The following ARID1B variants were observed in gnomAD, a reference collection of about 807,000 sequenced individuals.
The protein encoded by ARID1B is AT-rich interactive domain-containing protein 1B.
In ARID1B, 30 loss-of-function variants were observed where a neutral mutation model predicts 212.3. The observed-to-expected ratio is 0.14, with a 90% CI of 0.11 to 0.19. The LOEUF (loss-of-function observed/expected upper bound fraction) is 0.19. Ranked by LOEUF, ARID1B falls within the 10% of genes least tolerant of loss-of-function variation. The pLI is 1.00. For missense variants in ARID1B, 2,891 were observed against 3,204.0 expected (o/e 0.90, Z 2.36); for synonymous variants, 1,402 against 1,301.7 (o/e 1.08, Z -1.66).
intron 4 of ARID1B, among the ~76,000 whole-genome samples, chr6:156,979,563 TG>T (rs1173600836): frequency 7.4e-6 from 1 of 134,364 alleles, no homozygotes; most frequent in African/African-American, 3.3e-5. Flanking sequence ...CAGCTGTTGC[TG>T]TTTTTTTTTT....
intron 2 of ARID1B, among the ~76,000 whole-genome samples, chr6:156,831,755 C>T (rs186094491): frequency 8.3e-4 from 126 of 152,266 alleles, no homozygotes; most frequent in Admixed American, 1.0e-3. Flanking sequence ...GTAGGTTGCC[C>T]ATCAAGTATT....
chr6:157,167,044 G>T lies in ARID1B; in HGVS notation c.3094G>T (p.Gly1032Cys), dbSNP rs2128290228. ...AAANSAQSRQ[G>C]SFPGMNQSGL... ...CTGTGCTTTCTCTTCCTGTAGGCAA[G>T]GCAGTTTCCCCGGCATGAACCAGAG... The change falls in exon 9 of 20, where the codon GGC (glycine) becomes TGC (cysteine). Residue 1032 changes from glycine to cysteine, a missense_variant. Around this residue, in one of 7 missense-constraint regions of ARID1B, gnomAD observed 1,643 missense variants for 1,544.0 expected, o/e 1.06. Transcript: ENST00000636930. 1 of 1,611,206 alleles carries T rather than the reference G, an allele frequency of 6.2e-7. No individual in the cohort carries two copies. The highest frequency in any genetic ancestry group is 8.5e-7 in the Non-Finnish European group (1 of 1,179,990).
intron 11 of ARID1B, 74 bp from the exon 12 acceptor site, chr6:157,180,895 A>G: frequency 7.9e-7 from 1 of 1,260,312 alleles, no homozygotes; most frequent in Non-Finnish European, 1.1e-6. Context: ...TTAGCTCATT[A>G]CTTTTTTCTC....
intron 3 of ARID1B, among the ~76,000 whole-genome samples, chr6:156,922,320 A>G (rs139030368): frequency 0.018 from 2,742 of 151,984 alleles, 72 homozygotes; most frequent in African/African-American, 0.062. Context: ...TTACAGGTGC[A>G]TGCCACCGTG....
intron 2 of ARID1B, among the ~76,000 whole-genome samples, chr6:156,837,417 A>G (rs1268406867): frequency 6.6e-6 from 1 of 152,200 alleles, no homozygotes; most frequent in Non-Finnish European, 1.5e-5. Flanking sequence ...GGATGGAAAC[A>G]CGTTTCAAGA....
chr6:156,852,238 A>G (rs1420695739), intron 2 of ARID1B, among the ~76,000 whole-genome samples: 1 of 152,140 alleles, frequency 6.6e-6, no homozygotes, highest in African/African-American at 2.4e-5. Flanking sequence ...GCCTGAGGCC[A>G]GAAGTTTGAG....
chr6:156,818,266 G>C (rs903485739), intron 1 of ARID1B, among the ~76,000 whole-genome samples: 1 of 152,024 alleles, frequency 6.6e-6, no homozygotes, highest in Admixed American at 6.6e-5. Context: ...TCTCTGAAAA[G>C]CATTTTAAAA....
intron 4 of ARID1B, among the ~76,000 whole-genome samples, chr6:157,049,194 A>T (rs1043656279): frequency 3.5e-5 from 5 of 144,350 alleles, no homozygotes; most frequent in Non-Finnish European, 7.6e-5. Context: ...AAAAAAAAAG[A>T]CTTGCTGCCT....
rs143380016 is a variant in ARID1B at position 157,160,296 on chromosome 6, A to T, written c.3090-6744A>T. On this transcript the variant is annotated intron_variant, in intron 8 of 19. Transcript: ENST00000636930. The stretch of plus-strand genomic sequence containing the variant: ...AACCCTGTCCACATGTCCAAAACTA[A>T]GCCCACGCTTTCCCCTGATGTTCTT... 9.2e-5 allele frequency among the ~76,000 whole-genome samples: 14 copies of T among 152,330 alleles called. 1 individual carries two copies. In the East Asian group the frequency reaches 2.3e-3, roughly 25 times the overall value.
intron 1 of ARID1B, among the ~76,000 whole-genome samples, chr6:156,799,363 A>AT (rs1484921203): frequency 6.6e-6 from 1 of 152,192 alleles, no homozygotes; most frequent in African/African-American, 2.4e-5. Flanking sequence ...TATATGCTGT[A>AT]TTGCCTCTCA....
chr6:157,022,058 G>A lies in ARID1B; in HGVS notation c.2248-62604G>A, dbSNP rs76147065. Reference sequence around the variant, plus strand: ...ACCCGTTCGCGTAATTAAAACGAGTGGCTGACGGTGGAAAAGCCAGGAACT... The same window carrying A: ...ACCCGTTCGCGTAATTAAAACGAGTAGCTGACGGTGGAAAAGCCAGGAACT... On this transcript the variant is annotated intron_variant, in intron 4 of 19. Coordinates refer to ENST00000636930, the MANE Select transcript of ARID1B (RefSeq NM_001374828.1). 9.3e-3 allele frequency among the ~76,000 whole-genome samples: 1,423 copies of A among 152,298 alleles called. 27 individuals are homozygous for A. The highest frequency in any genetic ancestry group is 0.032 in the African/African-American group (1,345 of 41,548).
intron 4 of ARID1B, among the ~76,000 whole-genome samples, chr6:157,039,318 A>ATTTTTTTTTTTTT (rs1215591720): frequency 8.9e-5 from 10 of 112,818 alleles, no homozygotes; most frequent in African/African-American, 1.5e-4. Flanking sequence ...GAAATTTGAC[A>ATTTTTTTTTTTTT]TTTCTTTTTT....
chr6:156,892,503 T>C (rs1788022132), intron 2 of ARID1B, among the ~76,000 whole-genome samples: 1 of 152,214 alleles, frequency 6.6e-6, no homozygotes, highest in African/African-American at 2.4e-5. Flanking sequence ...CAGTTTAGAC[T>C]TCTGTATTAA....
intron 4 of ARID1B, among the ~76,000 whole-genome samples, chr6:157,001,486 A>C (rs570688952): frequency 1.3e-5 from 2 of 152,102 alleles, no homozygotes; most frequent in Non-Finnish European, 2.9e-5. Context: ...TCTAGGGGAG[A>C]GGAGCCTGAG....
At chr6:156,893,187 C>T (rs1788098657) in intron 2 of ARID1B, among the ~76,000 whole-genome samples, 1 of 151,968 alleles carries the variant, frequency 6.6e-6, no homozygotes, top group Non-Finnish European at 1.5e-5. Flanking sequence ...GGATCACAGG[C>T]ACTCATCACC....
intron 3 of ARID1B, among the ~76,000 whole-genome samples, chr6:156,922,481 C>G (rs1790892181): frequency 6.6e-6 from 1 of 151,990 alleles, no homozygotes; most frequent in South Asian, 2.1e-4. Context: ...CTAGGTAGCT[C>G]TTTAGACTAG....
At chr6:156,965,691 A>G (rs1375090216) in intron 4 of ARID1B, among the ~76,000 whole-genome samples, 2 of 152,176 alleles carry the variant, frequency 1.3e-5, no homozygotes, top group Non-Finnish European at 2.9e-5. Flanking sequence ...TGGTTTTGAA[A>G]TTTTGGAACC....
Position 156,778,752 on chromosome 6 carries a change from G to C in ARID1B, c.1072G>C (p.Gly358Arg). 1.3e-6 allele frequency: 2 copies of C among 1,512,004 alleles called. No homozygotes were observed. Among genetic ancestry groups the C allele is most frequent in the Admixed American group, 2.1e-5 (1 of 48,384 alleles). 93.7% of individuals were successfully genotyped at this position (1,512,004 alleles called of 1,614,324 possible). Reference sequence around the variant, plus strand: ...GCACTCCGCCTCCGCCGCCGCCGCCGGGGCCCCCGGCAGCATGGACCCCCT... The same window carrying C: ...GCACTCCGCCTCCGCCGCCGCCGCCCGGGCCCCCGGCAGCATGGACCCCCT... ...MMHSASAAAA[G>R]APGSMDPLQN... Residue 358 changes from glycine (G) to arginine (R), a missense_variant, in exon 1 of 20, where the codon GGG (glycine) becomes CGG (arginine). By Grantham distance (125) the Gly-to-Arg change is moderately radical. This residue lies in a region of ARID1B where 1,643 missense variants were observed against 1,544.0 expected (regional missense o/e 1.06). Coordinates refer to ENST00000636930, the MANE Select transcript of ARID1B (RefSeq NM_001374828.1).
chr6:157,041,457 A>G (rs1781867931), intron 4 of ARID1B, among the ~76,000 whole-genome samples: 1 of 152,210 alleles, frequency 6.6e-6, no homozygotes, highest in African/African-American at 2.4e-5. Context: ...ACATGTAAAC[A>G]TAACTTAATA....
Sources: gnomAD v4.1 joint callset for allele counts (sites outside exome capture counted in the v4.1 genomes callset) on GRCh38, gnomAD v4.1.1 for gene constraint, gnomAD v4.1.1 regional missense constraint, MANE v1.5 for transcripts, NCBI Gene and HGNC (gene_info 2026-07-23, HGNC 2026-07-21) for gene names.